Variants in SYT3 observed in about 807,000 individuals in gnomAD.
SYT3 encodes synaptotagmin 3.
In SYT3, 25 loss-of-function variants were observed where a neutral mutation model predicts 50.6. The observed-to-expected ratio is 0.49, with a 90% CI of 0.36 to 0.69. SYT3 has a LOEUF of 0.69. Ranked by LOEUF, SYT3 falls within the 30% of genes least tolerant of loss-of-function variation. The pLI is 0.00. For missense variants in SYT3, 589 were observed against 793.6 expected (o/e 0.74, Z 3.10); for synonymous variants, 323 against 353.9 (o/e 0.91, Z 0.98).
chr19:50,648,780 G>A, the SYT3 span, among the ~76,000 whole-genome samples: 3 of 152,118 alleles, frequency 2.0e-5, no homozygotes, highest in African/African-American at 7.2e-5. Context: ...TTGGAATCTC[G>A]CCTGTTTCTA....
the SYT3 span, chr19:50,658,049 G>T: frequency 6.5e-7 from 1 of 1,536,070 alleles, no homozygotes; most frequent in South Asian, 1.2e-5. Context: ...GTTACCAGGG[G>T]CCATGGAGAG....
At chr19:50,630,297 C>T in intron 4 of SYT3, 126 bp from the exon 5 acceptor site, 1 of 964,540 alleles carries the variant, frequency 1.0e-6, no homozygotes, top group Non-Finnish European at 1.5e-6. Context: ...CAAGTCCCCT[C>T]CTTTGCTCAC....
the SYT3 span, among the ~76,000 whole-genome samples, chr19:50,650,254 A>G: frequency 6.6e-6 from 1 of 152,136 alleles, no homozygotes; most frequent in African/African-American, 2.4e-5. Flanking sequence ...TGACAACTTC[A>G]GGCTCCTAGC....
rs1012524892 is a variant in SYT3, at chr19:50,639,538, G to C, written c.-154+252C>G. Among the ~76,000 whole-genome samples the C allele has an allele frequency of 1.3e-5, 2 of 151,980 alleles. No individual in the cohort carries two copies. Among genetic ancestry groups the C allele is most frequent in the Non-Finnish European group, 2.9e-5 (2 of 67,950 alleles). On this transcript the variant is annotated intron_variant, in intron 1 of 10. Coordinates refer to ENST00000600079, the MANE Select transcript of SYT3 (RefSeq NM_001160329.2). This position sits in a 1 kb window ranked among gnomAD's most constrained non-coding sequence, Gnocchi z 4.6. ...GGAGCCCTAAGTCCTTAGGGGCCACGGAATGAGGAAACGATCCCCCCGCGC... is the reference window on the plus strand; with the variant it reads ...GGAGCCCTAAGTCCTTAGGGGCCACCGAATGAGGAAACGATCCCCCCGCGC...
At chr19:50,651,801 AT>A in the SYT3 span, among the ~76,000 whole-genome samples, 2 of 152,176 alleles carry the variant, frequency 1.3e-5, no homozygotes, top group African/African-American at 4.8e-5. Flanking sequence ...AATTACACAT[AT>A]ACATTTAAAT....
the SYT3 span, among the ~76,000 whole-genome samples, chr19:50,646,408 G>A: frequency 8.9e-6 from 1 of 111,986 alleles, no homozygotes; most frequent in Non-Finnish European, 2.2e-5. Flanking sequence ...GATGGGGTTA[G>A]GGGGCTACTG....
chr19:50,645,240 C>T, the SYT3 span, among the ~76,000 whole-genome samples: 2 of 152,068 alleles, frequency 1.3e-5, no homozygotes, highest in Non-Finnish European at 2.9e-5. Context: ...AGACTGGGCA[C>T]CAGGCCAGGA....
At position 50,637,777 on chromosome 19, in the gene SYT3, G is replaced by T; in HGVS notation, c.-15-351C>A. 1 of 201,492 alleles carries T rather than the reference G, an allele frequency of 5.0e-6. No homozygotes were observed. The highest frequency in any genetic ancestry group is 1.0e-5 in the Non-Finnish European group (1 of 98,824). 12.5% of individuals were successfully genotyped at this position (201,492 alleles called of 1,614,324 possible). A position where few individuals can be genotyped will look rare whatever the true frequency, so the allele number is the denominator to read the frequency against. ...TGAACAAGGAGGAAGAGATGGAGAAGGGCAGTGAAGGGGCTAAGAATGAGG... is the reference window on the plus strand; with the variant it reads ...TGAACAAGGAGGAAGAGATGGAGAATGGCAGTGAAGGGGCTAAGAATGAGG... On this transcript the variant is annotated intron_variant, in intron 2 of 10. Coordinates refer to ENST00000600079, the MANE Select transcript of SYT3 (RefSeq NM_001160329.2). The surrounding 1 kb of genome is among the most constrained non-coding windows in gnomAD (Gnocchi z 4.9).
chr19:50,622,486 A>G lies in SYT3; in HGVS notation c.*4-5T>C, dbSNP rs1278972534. The G allele has an allele frequency of 7.4e-6, 4 of 538,168 alleles. No homozygotes were observed. In the African/African-American group the frequency reaches 7.7e-5, roughly 10 times the overall value. The allele number at this position is 538,168 out of a possible 1,614,324, so 33.3% of individuals were successfully genotyped here. A position where few individuals can be genotyped will look rare whatever the true frequency, so the allele number is the denominator to read the frequency against. ...GATCCCGGGCCTAGGCCAGACCTGCACGATGGAGCAGGAAAGGAGGGGTCA... is the reference window on the plus strand; with the variant it reads ...GATCCCGGGCCTAGGCCAGACCTGCGCGATGGAGCAGGAAAGGAGGGGTCA... On this transcript the variant is annotated splice_polypyrimidine_tract_variant and splice_region_variant and intron_variant, in intron 10 of 10. Coordinates refer to ENST00000600079, the MANE Select transcript of SYT3 (RefSeq NM_001160329.2).
chr19:50,622,072 T>C lies in SYT3; in HGVS notation c.*413A>G, dbSNP rs1310946402. 2.7e-5 allele frequency: 2 copies of C among 73,006 alleles called. No individual in the cohort carries two copies. Among genetic ancestry groups the C allele is most frequent in the Non-Finnish European group, 5.3e-5 (2 of 37,716 alleles). The allele number at this position is 73,006 out of a possible 1,614,324, so 4.5% of individuals were successfully genotyped here. A position where few individuals can be genotyped will look rare whatever the true frequency, so the allele number is the denominator to read the frequency against. ...GCAGGGGTGTGGCGAACAGAAGGGGTGGACACAGGTGTGTGTGTGTCTGAA... is the reference window on the plus strand; with the variant it reads ...GCAGGGGTGTGGCGAACAGAAGGGGCGGACACAGGTGTGTGTGTGTCTGAA... On this transcript the variant is annotated 3_prime_UTR_variant, in exon 11 of 11. Coordinates refer to ENST00000600079, the MANE Select transcript of SYT3 (RefSeq NM_001160329.2).
At chr19:50,623,613 CAAAAAAAAAAAAAAAA>C (rs529397903) in intron 9 of SYT3, among the ~76,000 whole-genome samples, 9 of 91,622 alleles carry the variant, frequency 9.8e-5, no homozygotes, top group South Asian at 4.5e-4. Context: ...CCTGTCTCTA[CAAAAAAAAAAAAAAAA>C]AAAAAAAAAA....
chr19:50,644,099 C>T (rs1343709552), upstream of SYT3, among the ~76,000 whole-genome samples: 2 of 152,222 alleles, frequency 1.3e-5, no homozygotes, highest in African/African-American at 2.4e-5. Flanking sequence ...TTGTTCATAG[C>T]TGTGTCCCAG....
chr19:50,632,926 C>T lies in SYT3; in HGVS notation c.149-115G>A, dbSNP rs1984371362. 6.2e-6 allele frequency: 5 copies of T among 802,174 alleles called. No individual in the cohort carries two copies. Among genetic ancestry groups the T allele is most frequent in the Non-Finnish European group, 5.5e-6 (3 of 550,226 alleles). The allele number at this position is 802,174 out of a possible 1,614,324, so 49.7% of individuals were successfully genotyped here. On this transcript the variant is annotated intron_variant, in intron 3 of 10. Coordinates refer to ENST00000600079, the MANE Select transcript of SYT3 (RefSeq NM_001160329.2). The surrounding 1 kb of genome is among the most constrained non-coding windows in gnomAD (Gnocchi z 4.7). The stretch of plus-strand genomic sequence containing the variant: ...TGCCATGCAATTGTCCATGCAATTG[C>T]AAGTGCCAGGCACTTTACATGTATT...
intron 3 of SYT3, among the ~76,000 whole-genome samples, chr19:50,633,042 C>T (rs1427737749): frequency 6.6e-6 from 1 of 152,154 alleles, no homozygotes; most frequent in Non-Finnish European, 1.5e-5. Context: ...AGTGCAGTGG[C>T]ATAATCACAG....
In SYT3 at chr19:50,625,604, C is replaced by T. The variant is rs1984023722; in HGVS notation, c.1403-40G>A. The T allele has an allele frequency of 6.5e-7, 1 of 1,529,366 alleles. No individual in the cohort carries two copies. Among genetic ancestry groups the T allele is most frequent in the Non-Finnish European group, 8.8e-7 (1 of 1,139,776 alleles). 94.7% of individuals were successfully genotyped at this position (1,529,366 alleles called of 1,614,324 possible). The stretch of plus-strand genomic sequence containing the variant: ...GAAGTAAGGAACAGAGACTCACTCC[C>T]TCAGACCTAGGGGTCCAGGACCCCA... On this transcript the variant is annotated intron_variant, in intron 7 of 10. Transcript: ENST00000600079. The surrounding 1 kb of genome is among the most constrained non-coding windows in gnomAD (Gnocchi z 7.5).
At chr19:50,653,534 T>C in the SYT3 span, among the ~76,000 whole-genome samples, 1 of 151,992 alleles carries the variant, frequency 6.6e-6, no homozygotes, top group Non-Finnish European at 1.5e-5. Flanking sequence ...TTGAATCCAG[T>C]AGGTCTGGGG....
Position 50,629,967 on chromosome 19 carries a change from C to A in SYT3, c.879G>T (p.Glu293Asp). 6.2e-7 allele frequency: 1 copy of A among 1,613,918 alleles called. No homozygotes were observed. Among genetic ancestry groups the A allele is most frequent in the Non-Finnish European group, 8.5e-7 (1 of 1,179,882 alleles). The change falls in exon 5 of 11, where the codon GAG becomes GAT. Residue 293 changes from glutamate (E) to aspartate (D), a missense_variant. Physicochemically the swap from Glu to Asp is conservative, Grantham distance 45. Around this residue, in one of 2 missense-constraint regions of SYT3, gnomAD observed 273 missense variants for 439.3 expected, o/e 0.62. Coordinates refer to ENST00000600079, the MANE Select transcript of SYT3 (RefSeq NM_001160329.2). ...RRSGGGPGSG[E>D]AGTGAPCGRI... ...GGCCACAGGGTGCCCCTGTGCCTGC[C>A]TCTCCAGAGCCTGGGCCCCCACCGC...
the SYT3 span, among the ~76,000 whole-genome samples, chr19:50,652,806 G>T: frequency 6.6e-6 from 1 of 152,148 alleles, no homozygotes; most frequent in Non-Finnish European, 1.5e-5. Flanking sequence ...ACTGGAGAGC[G>T]AGAGGAGTTA....
the SYT3 span, among the ~76,000 whole-genome samples, chr19:50,647,540 C>T: frequency 5.9e-3 from 892 of 151,480 alleles, 13 homozygotes; most frequent in African/African-American, 0.021. Context: ...AATAGCTGGG[C>T]GTAGTGGTGT....
Sources: allele counts gnomAD v4.1 joint callset (sites outside exome capture counted in the v4.1 genomes callset), GRCh38; gene constraint gnomAD v4.1.1; regional missense constraint gnomAD v4.1.1; non-coding constraint Gnocchi (gnomAD v3.1); transcripts MANE v1.5; gene names NCBI Gene and HGNC (gene_info 2026-07-23, HGNC 2026-07-21).